The following IL17RD variants were observed in gnomAD, a reference collection of about 807,000 sequenced individuals.
The protein encoded by IL17RD is interleukin-17 receptor D.
IL17RD carries 52 observed loss-of-function variants against 80.5 expected under a neutral mutation model. The ratio of observed to expected loss-of-function variants is 0.65; its 90% confidence interval spans 0.52 to 0.81. The LOEUF (loss-of-function observed/expected upper bound fraction) is 0.81, where lower values mean the gene tolerates loss of function less well. IL17RD is among the 40% of genes least tolerant of loss of function. The pLI, the probability that IL17RD is intolerant of heterozygous loss-of-function variation, is 0.00. For synonymous variants in IL17RD, 416 were observed against 391.8 expected, an observed-to-expected ratio of 1.06 and a Z score of -0.73; for missense variants, 1,024 against 955.1, an observed-to-expected ratio of 1.07 and a Z score of -0.95.
At chr3:57,127,297 TATATATAAAAATATATAAAA>T (rs1444613880) in intron 1 of IL17RD, among the ~76,000 whole-genome samples, 1 of 76,278 alleles carries the variant, frequency 1.3e-5, no homozygotes, top group African/African-American at 5.7e-5. Context: ...TATATATAAA[TATATATAAAAATATATAAAA>T]ATATATATAA....
chr3:57,118,948 G>A (rs1048484441), intron 2 of IL17RD, among the ~76,000 whole-genome samples: 3 of 152,188 alleles, frequency 2.0e-5, no homozygotes, highest in Non-Finnish European at 4.4e-5. Context: ...GCTCACACCT[G>A]TAATCCCAGC....
Position 57,092,124 on chromosome 3 carries a change from T to A in IL17RD, c.*4269A>T, listed in dbSNP as rs1304868364. 6.6e-6 allele frequency: 1 copy of A among 152,646 alleles called. No individual in the cohort carries two copies. Among genetic ancestry groups the A allele is most frequent in the African/African-American group, 2.4e-5 (1 of 41,446 alleles). 9.5% of individuals were successfully genotyped at this position (152,646 alleles called of 1,614,324 possible). A position where few individuals can be genotyped will look rare whatever the true frequency, so the allele number is the denominator to read the frequency against. On this transcript the variant is annotated 3_prime_UTR_variant, in exon 13 of 13. Transcript: ENST00000296318. Reference sequence around the variant, plus strand: ...TTCACAGACCACTTAAAACGGAAGATAATGCAAATACCTGGCTCTAATGGA... The same window carrying A: ...TTCACAGACCACTTAAAACGGAAGAAAATGCAAATACCTGGCTCTAATGGA...
rs996418943 is a variant in IL17RD, at chr3:57,154,277, T to C, written c.126+10884A>G. On this transcript the variant is annotated intron_variant, in intron 1 of 12. Coordinates refer to ENST00000296318, the MANE Select transcript of IL17RD (RefSeq NM_017563.5). ...AAAAAAAATTATATATATATATATA[T>C]ATATATACACACACACACACACACA... 3.6e-4 allele frequency among the ~76,000 whole-genome samples: 45 copies of C among 124,516 alleles called. 1 individual carries two copies. Among genetic ancestry groups the C allele is most frequent in the African/African-American group, 1.4e-3 (41 of 28,520 alleles). 81.7% of individuals were successfully genotyped at this position (124,516 alleles called of 152,430 possible). A position where few individuals can be genotyped will look rare whatever the true frequency, so the allele number is the denominator to read the frequency against.
intron 1 of IL17RD, among the ~76,000 whole-genome samples, chr3:57,127,001 T>C (rs941761934): frequency 3.3e-5 from 5 of 151,028 alleles, no homozygotes; most frequent in African/African-American, 1.2e-4. Flanking sequence ...ATTTTTGTAT[T>C]TGTAGTAGAG....
In IL17RD at chr3:57,098,073, C is replaced by G. The variant is rs1211531264; in HGVS notation, c.1630G>C (p.Val544Leu). 1 of 1,613,858 alleles carries G rather than the reference C, an allele frequency of 6.2e-7. No homozygotes were observed. The highest frequency in any genetic ancestry group is 8.5e-7 in the Non-Finnish European group (1 of 1,179,898). Residue 544 changes from valine to leucine, a missense_variant, in exon 12 of 13, where the codon GTC (valine) becomes CTC (leucine). Transcript: ENST00000296318. Reference sequence around the variant, plus strand: ...AACTGGTGCATGTTGCAAATGGCGACGTATAGGGACCGGCCTGACTTGCTC... The same window carrying G: ...AACTGGTGCATGTTGCAAATGGCGAGGTATAGGGACCGGCCTGACTTGCTC... ...FRSKSGRSLY[V>L]AICNMHQFID...
intron 1 of IL17RD, among the ~76,000 whole-genome samples, chr3:57,131,331 C>T (rs1041282828): frequency 2.6e-5 from 4 of 152,192 alleles, no homozygotes. Context: ...AACTCACACT[C>T]GCTGAGTGCC....
intron 1 of IL17RD, among the ~76,000 whole-genome samples, chr3:57,126,143 T>G (rs780259455): frequency 2.6e-5 from 4 of 152,260 alleles, no homozygotes; most frequent in Admixed American, 1.3e-4. Flanking sequence ...ACTTGTTTGT[T>G]GCCTGTTACT....
Position 57,098,476 on chromosome 3 carries a change from G to C in IL17RD, c.1227C>G (p.Ile409Met), listed in dbSNP as rs1706752481. 1.9e-6 allele frequency: 3 copies of C among 1,613,736 alleles called. No individual in the cohort carries two copies. Among genetic ancestry groups the C allele is most frequent in the Non-Finnish European group, 8.5e-7 (1 of 1,179,836 alleles). ...LCREGQREWVIQKIHESQFII... is the reference protein window; with the variant it reads ...LCREGQREWVMQKIHESQFII... ...TGAACTGGGACTCGTGGATCTTCTGGATGACCCATTCTCTCTGCCCTTCTC... is the reference window on the plus strand; with the variant it reads ...TGAACTGGGACTCGTGGATCTTCTGCATGACCCATTCTCTCTGCCCTTCTC... Residue 409 changes from isoleucine (I) to methionine (M), a missense_variant, in exon 12 of 13, where the codon ATC becomes ATG. Coordinates refer to ENST00000296318, the MANE Select transcript of IL17RD (RefSeq NM_017563.5).
intron 1 of IL17RD, among the ~76,000 whole-genome samples, chr3:57,163,061 T>G (rs921459053): frequency 6.6e-6 from 1 of 151,462 alleles, no homozygotes; most frequent in African/African-American, 2.4e-5. Context: ...ATGAGAAGGG[T>G]AGGGGGTGAG....
At chr3:57,119,578 G>A (rs917248778) in intron 2 of IL17RD, among the ~76,000 whole-genome samples, 1 of 152,126 alleles carries the variant, frequency 6.6e-6, no homozygotes, top group African/African-American at 2.4e-5. Flanking sequence ...ATGGGGTACT[G>A]CGGTTGGTGC....
chr3:57,124,241 T>C (rs1477494994), intron 1 of IL17RD, among the ~76,000 whole-genome samples: 3 of 152,168 alleles, frequency 2.0e-5, no homozygotes, highest in Non-Finnish European at 2.9e-5. Context: ...CTATTTTCCT[T>C]ACACCTCAGG....
chr3:57,102,358 G>A (rs563763438), intron 10 of IL17RD, 121 bp downstream of exon 10: 15 of 446,702 alleles, frequency 3.4e-5, no homozygotes, highest in African/African-American at 2.6e-4. Context: ...TGAATAGTAG[G>A]AGCTATGAGG....
At chr3:57,152,983 T>C (rs1367331861) in intron 1 of IL17RD, among the ~76,000 whole-genome samples, 2 of 152,220 alleles carry the variant, frequency 1.3e-5, no homozygotes, top group African/African-American at 4.8e-5. Flanking sequence ...TCCCCGTCTC[T>C]GAGGGCGACA....
Position 57,109,665 on chromosome 3 carries a change from G to A in IL17RD, c.430-8C>T. Reference sequence around the variant, plus strand: ...AGGTTGAGATTCCATTCCCTAAAAGGGAACAAAAACACAGTGACATCATGG... The same window carrying A: ...AGGTTGAGATTCCATTCCCTAAAAGAGAACAAAAACACAGTGACATCATGG... On this transcript the variant is annotated splice_polypyrimidine_tract_variant and splice_region_variant and intron_variant, in intron 4 of 12. Coordinates refer to ENST00000296318, the MANE Select transcript of IL17RD (RefSeq NM_017563.5). 6.2e-7 allele frequency: 1 copy of A among 1,610,940 alleles called. No homozygotes were observed. Among genetic ancestry groups the A allele is most frequent in the Non-Finnish European group, 8.5e-7 (1 of 1,178,830 alleles).
At chr3:57,152,032 CCTT>C (rs1331841410) in intron 1 of IL17RD, among the ~76,000 whole-genome samples, 1 of 151,928 alleles carries the variant, frequency 6.6e-6, no homozygotes. Context: ...CCCAGTGCCT[CCTT>C]CTACACAAAA....
intron 1 of IL17RD, chr3:57,134,729 C>A: frequency 1.6e-6 from 1 of 639,294 alleles, no homozygotes; most frequent in South Asian, 1.5e-5. Flanking sequence ...AGTGAAAGCT[C>A]CCCCTTTGTC....
At chr3:57,133,960 A>G (rs1707666638) in intron 1 of IL17RD, among the ~76,000 whole-genome samples, 1 of 152,270 alleles carries the variant, frequency 6.6e-6, no homozygotes, top group African/African-American at 2.4e-5. Context: ...ATATGGTGAA[A>G]TTAAATTAGA....
chr3:57,128,936 C>T (rs919980513), intron 1 of IL17RD, among the ~76,000 whole-genome samples: 3 of 152,200 alleles, frequency 2.0e-5, no homozygotes, highest in Non-Finnish European at 4.4e-5. Flanking sequence ...TGTGTGTTCT[C>T]CCATGGCTGA....
At chr3:57,164,438 C>T (rs1293905513) in intron 1 of IL17RD, among the ~76,000 whole-genome samples, 1 of 152,258 alleles carries the variant, frequency 6.6e-6, no homozygotes. Context: ...GTCTGGGCAC[C>T]TCTCCAGTCT....
Sources: allele counts gnomAD v4.1 joint callset (sites outside exome capture counted in the v4.1 genomes callset), GRCh38; gene constraint gnomAD v4.1.1; transcripts MANE v1.5; gene names NCBI Gene and HGNC (gene_info 2026-07-23, HGNC 2026-07-21).